GRAMD4: variants seen among roughly 807,000 people sequenced by gnomAD.
GRAMD4 encodes GRAM domain containing 4.
GRAMD4 carries 25 observed loss-of-function variants against 83.9 expected under a neutral mutation model. The ratio of observed to expected loss-of-function variants is 0.30; its 90% confidence interval spans 0.22 to 0.42. The LOEUF is 0.42. GRAMD4 is among the 10% of genes least tolerant of loss of function. GRAMD4 has a pLI of 1.00. For missense variants in GRAMD4, 593 were observed against 788.7 expected (o/e 0.75, Z 2.97); for synonymous variants, 336 against 320.9 (o/e 1.05, Z -0.50).
At chr22:46,595,789 G>A (rs1002218799) in intron 1 of GRAMD4, among the ~76,000 whole-genome samples, 6 of 152,268 alleles carry the variant, frequency 3.9e-5, no homozygotes, top group Admixed American at 3.3e-4. Context: ...GCATGGGCAG[G>A]TGAGCACCCC....
Position 46,659,288 on chromosome 22 carries a change from C to G in GRAMD4, c.404+981C>G, listed in dbSNP as rs1053880271. Among the ~76,000 whole-genome samples the G allele has an allele frequency of 6.6e-6, 1 of 151,980 alleles. No individual in the cohort carries two copies. Among genetic ancestry groups the G allele is most frequent in the Non-Finnish European group, 1.5e-5 (1 of 67,976 alleles). ...CCTCAGTTTCTGCCCAGCCTCCCCC[C>G]AGCATCATCTTCAGCCTCCGTCCTC... On this transcript the variant is annotated intron_variant, in intron 4 of 18. Transcript: ENST00000406902. This position sits in a 1 kb window ranked among gnomAD's most constrained non-coding sequence, Gnocchi z 4.1.
chr22:46,667,278 T>C (rs144010545), intron 10 of GRAMD4, among the ~76,000 whole-genome samples: 1 of 152,052 alleles, frequency 6.6e-6, no homozygotes, highest in East Asian at 1.9e-4. Flanking sequence ...TCTCGGAGGT[T>C]GCAGTGAGCC....
intron 1 of GRAMD4, among the ~76,000 whole-genome samples, chr22:46,599,571 C>T (rs1323037289): frequency 1.3e-5 from 2 of 152,168 alleles, no homozygotes; most frequent in Admixed American, 1.3e-4. Flanking sequence ...AGGTGACCCA[C>T]CCGCCTCGGC....
At chr22:46,602,437 C>G (rs138545) in intron 1 of GRAMD4, among the ~76,000 whole-genome samples, 131,714 of 152,128 alleles carry the variant, frequency 0.87, 57,179 homozygotes, top group East Asian at 1. Context: ...CAACGCTTTG[C>G]GAGACCATGT....
intron 3 of GRAMD4, among the ~76,000 whole-genome samples, chr22:46,653,683 G>C (rs747201648): frequency 5.3e-5 from 8 of 152,218 alleles, no homozygotes; most frequent in Non-Finnish European, 1.2e-4. Flanking sequence ...GTGGTTTCCT[G>C]TTACCCGTGC....
chr22:46,627,042 C>T (rs948576547), intron 2 of GRAMD4, 81 bp downstream of exon 2: 18 of 956,110 alleles, frequency 1.9e-5, no homozygotes, highest in Non-Finnish European at 1.0e-5. Context: ...TGGACTCAGG[C>T]AGATTCGTGT....
In GRAMD4 at chr22:46,621,531, C is replaced by T. The variant is rs1025403203; in HGVS notation, c.-50+966C>T. Among the ~76,000 whole-genome samples, 4 of 140,430 alleles carry T rather than the reference C, an allele frequency of 2.8e-5. No individual in the cohort carries two copies. The highest frequency in any genetic ancestry group is 2.8e-4 in the Admixed American group (4 of 14,350). The allele number at this position is 140,430 out of a possible 152,430, so 92.1% of individuals were successfully genotyped here. On this transcript the variant is annotated intron_variant, in intron 1 of 18. Coordinates refer to ENST00000406902, the MANE Select transcript of GRAMD4 (RefSeq NM_015124.5). This position sits in a 1 kb window ranked among gnomAD's most constrained non-coding sequence, Gnocchi z 5.8. ...TGTGTCGCGGAGGGCACCCCTACCC[C>T]GGTGCAGGCGCAGGCTGGAGGCGTA...
intron 2 of GRAMD4, among the ~76,000 whole-genome samples, chr22:46,630,690 G>A (rs1317329453): frequency 2.6e-5 from 4 of 152,214 alleles, no homozygotes. Flanking sequence ...ACCCTGGGAT[G>A]TTCGTCACTT....
chr22:46,599,441 C>T (rs1014419961), intron 1 of GRAMD4, among the ~76,000 whole-genome samples: 1 of 152,044 alleles, frequency 6.6e-6, no homozygotes, highest in Non-Finnish European at 1.5e-5. Context: ...GCCTCAGCCT[C>T]GCAAGTAGCT....
chr22:46,628,776 A>G (rs142913389), intron 2 of GRAMD4, among the ~76,000 whole-genome samples: 1 of 152,100 alleles, frequency 6.6e-6, no homozygotes, highest in Non-Finnish European at 1.5e-5. Context: ...TTTGGGGGGC[A>G]TCAGGGATCC....
intron 1 of GRAMD4, among the ~76,000 whole-genome samples, chr22:46,594,380 G>A (rs2147021418): frequency 6.6e-6 from 1 of 152,284 alleles, no homozygotes; most frequent in Admixed American, 6.5e-5. Context: ...GGTGGGTGAT[G>A]ATAAAGAGCA....
At chr22:46,582,607 G>A (rs1481222032) in intron 1 of GRAMD4, among the ~76,000 whole-genome samples, 1 of 152,170 alleles carries the variant, frequency 6.6e-6, no homozygotes, top group Non-Finnish European at 1.5e-5. Flanking sequence ...CTGGTATCCT[G>A]GGACCCTGGC....
chr22:46,624,997 A>G (rs942748768), intron 1 of GRAMD4, among the ~76,000 whole-genome samples: 4 of 151,458 alleles, frequency 2.6e-5, no homozygotes, highest in African/African-American at 9.7e-5. Context: ...AGTAGCTGGG[A>G]CTACAGGCGC....
chr22:46,673,611 A>G (rs1388243911), intron 14 of GRAMD4, 59 bp from the exon 15 acceptor site: 2 of 1,579,520 alleles, frequency 1.3e-6, no homozygotes, highest in African/African-American at 1.3e-5. Flanking sequence ...CGGCCAGCAC[A>G]TCTGGGTGCT....
intron 3 of GRAMD4, 22 bp downstream of exon 3, chr22:46,637,982 G>A (rs201494042): frequency 3.3e-4 from 532 of 1,611,026 alleles, no homozygotes; most frequent in Admixed American, 5.3e-4. Context: ...AAAGCGCTTG[G>A]AGGGGATGGG....
At chr22:46,654,134 A>G (rs1467255199) in intron 3 of GRAMD4, among the ~76,000 whole-genome samples, 1 of 120,386 alleles carries the variant, frequency 8.3e-6, no homozygotes, top group African/African-American at 3.2e-5. Context: ...AGGGGCCAGG[A>G]GGCTGAGAAT....
intron 1 of GRAMD4, among the ~76,000 whole-genome samples, chr22:46,603,775 C>T (rs1475408095): frequency 1.3e-5 from 2 of 152,002 alleles, no homozygotes; most frequent in African/African-American, 2.4e-5. Flanking sequence ...CTCGGCCTCC[C>T]AAAGTGCTGG....
intron 1 of GRAMD4, 104 bp from the exon 2 acceptor site, chr22:46,626,647 G>A: frequency 1.5e-6 from 1 of 677,706 alleles, no homozygotes; most frequent in Non-Finnish European, 2.5e-6. Context: ...CTCTGGGTCG[G>A]GGTTTTCTTT....
At chr22:46,613,611 G>A (rs537063022) in intron 1 of GRAMD4, among the ~76,000 whole-genome samples, 2 of 150,654 alleles carry the variant, frequency 1.3e-5, no homozygotes, top group Admixed American at 6.6e-5. Flanking sequence ...AGGCCGTCTC[G>A]GACAGAGGGC....
Sources: allele counts gnomAD v4.1 joint callset (sites outside exome capture counted in the v4.1 genomes callset), GRCh38; gene constraint gnomAD v4.1.1; non-coding constraint Gnocchi (gnomAD v3.1); transcripts MANE v1.5; gene names NCBI Gene and HGNC (gene_info 2026-07-23, HGNC 2026-07-21).